Variants in MKLN1 observed in about 807,000 individuals in gnomAD.
MKLN1 encodes the protein muskelin 1.
A neutral mutation model predicts 99.0 loss-of-function variants in MKLN1; 18 were observed. That is an observed-to-expected ratio of 0.18 (90% CI 0.13 to 0.27). MKLN1 has a LOEUF of 0.27. Ranked by LOEUF, MKLN1 falls within the 10% of genes least tolerant of loss-of-function variation. The pLI is 1.00. For missense variants in MKLN1, 621 were observed against 875.9 expected (o/e 0.71, Z 3.67); for synonymous variants, 288 against 293.2 (o/e 0.98, Z 0.18).
chr7:131,143,772 G>A lies in MKLN1; in HGVS notation c.-297+831G>A, dbSNP rs144514571. 5.3e-4 allele frequency among the ~76,000 whole-genome samples: 81 copies of A among 152,230 alleles called. 1 individual carries two copies. In the East Asian group the frequency reaches 0.015, roughly 28 times the overall value. On this transcript the variant is annotated intron_variant, in intron 2 of 7. Transcript: ENST00000416992. The stretch of plus-strand genomic sequence containing the variant: ...GAGACCAGGAGTTCAAGGCTGCAGT[G>A]AGCCATGATCACAACACTGCACTCT...
chr7:131,242,895 A>G (rs1797427058), intron 3 of MKLN1: 2 of 669,548 alleles, frequency 3.0e-6, no homozygotes, highest in Non-Finnish European at 5.7e-6. Context: ...GGATGTCTTC[A>G]GAGACCCTAC....
intron 2 of MKLN1, among the ~76,000 whole-genome samples, chr7:131,167,156 G>A (rs981702794): frequency 6.6e-6 from 1 of 151,178 alleles, no homozygotes; most frequent in African/African-American, 2.4e-5. Flanking sequence ...AACTGAAGCT[G>A]TAAAAAAAAA....
At chr7:131,481,387 T>G (rs1017843017) in intron 17 of MKLN1, among the ~76,000 whole-genome samples, 5 of 152,166 alleles carry the variant, frequency 3.3e-5, no homozygotes, top group Admixed American at 3.3e-4. Context: ...CAGGGTACCA[T>G]TACTATTGAC....
chr7:131,293,235 T>G (rs1445113151), intron 3 of MKLN1, among the ~76,000 whole-genome samples: 2 of 152,228 alleles, frequency 1.3e-5, no homozygotes, highest in Non-Finnish European at 2.9e-5. Context: ...CATCCCAGAC[T>G]GACCAGCTCC....
chr7:131,244,495 G>A (rs1030979941), intron 3 of MKLN1, among the ~76,000 whole-genome samples: 1 of 152,054 alleles, frequency 6.6e-6, no homozygotes, highest in Non-Finnish European at 1.5e-5. Flanking sequence ...ACTCATTAGC[G>A]GAACTCAGAA....
chr7:131,355,473 T>A (rs1006327763), intron 1 of MKLN1, among the ~76,000 whole-genome samples: 2 of 151,858 alleles, frequency 1.3e-5, no homozygotes, highest in Admixed American at 6.6e-5. Flanking sequence ...ATATCAGGAC[T>A]GTTTAAAACA....
intron 16 of MKLN1, 98 bp downstream of exon 16, chr7:131,471,042 C>A: frequency 2.6e-6 from 2 of 761,016 alleles, no homozygotes; most frequent in South Asian, 1.8e-5. Context: ...TAAAGGAAAA[C>A]GAAGAAAATA....
intron 3 of MKLN1, among the ~76,000 whole-genome samples, chr7:131,229,393 T>C (rs1448026207): frequency 6.6e-6 from 1 of 151,942 alleles, no homozygotes; most frequent in East Asian, 1.9e-4. Context: ...AGTTAAGCTA[T>C]TATCTAAAGA....
chr7:131,120,152 C>T (rs1278971983), intron 1 of MKLN1, among the ~76,000 whole-genome samples: 1 of 92,086 alleles, frequency 1.1e-5, no homozygotes, highest in African/African-American at 4.6e-5. Context: ...GCCTGGGGGA[C>T]AGAGTGAGAC....
intron 11 of MKLN1, 63 bp from the exon 12 acceptor site, chr7:131,445,711 C>A (rs1165243159): frequency 5.8e-6 from 8 of 1,381,188 alleles, no homozygotes; most frequent in Non-Finnish European, 7.9e-6. Flanking sequence ...TTTAAAGGAT[C>A]ATTCTGAGTT....
intron 3 of MKLN1, among the ~76,000 whole-genome samples, chr7:131,303,248 G>A (rs1798401693): frequency 6.6e-6 from 1 of 152,222 alleles, no homozygotes. Flanking sequence ...TAGGAAAACG[G>A]ATGAATTCTG....
intron 1 of MKLN1, among the ~76,000 whole-genome samples, chr7:131,357,988 T>A (rs1584645334): frequency 2.0e-5 from 3 of 152,210 alleles, no homozygotes; most frequent in African/African-American, 7.2e-5. Context: ...GGATTTTCTG[T>A]ATAGGCAGTC....
intron 8 of MKLN1, among the ~76,000 whole-genome samples, chr7:131,425,429 T>C (rs1795330604): frequency 6.6e-6 from 1 of 152,202 alleles, no homozygotes; most frequent in Admixed American, 6.5e-5. Flanking sequence ...CTTTTTACCT[T>C]GTTTATCTTT....
chr7:131,429,705 A>C (rs1795466312), intron 9 of MKLN1, among the ~76,000 whole-genome samples: 1 of 152,150 alleles, frequency 6.6e-6, no homozygotes, highest in African/African-American at 2.4e-5. Context: ...CAGCCTCCCA[A>C]GTAGCTGGGA....
rs950783095 is a variant in MKLN1, at chr7:131,494,635, G to A, written c.*6907G>A. ...AAATTATTTTGGTGACTGATCAATT[G>A]TAAACAATTTTCTTCCTTACTTACA... On this transcript the variant is annotated 3_prime_UTR_variant, in exon 18 of 18. Coordinates refer to ENST00000352689, the MANE Select transcript of MKLN1 (RefSeq NM_013255.5). 2.0e-5 allele frequency: 3 copies of A among 151,800 alleles called. No individual in the cohort carries two copies. The highest frequency in any genetic ancestry group is 4.4e-5 in the Non-Finnish European group (3 of 67,952). 9.4% of individuals were successfully genotyped at this position (151,800 alleles called of 1,614,324 possible).
chr7:131,128,921 T>G (rs1417745317), intron 1 of MKLN1, among the ~76,000 whole-genome samples: 1 of 127,464 alleles, frequency 7.8e-6, no homozygotes, highest in Non-Finnish European at 1.7e-5. Context: ...TTTTTTTTGG[T>G]AGAGACAGGA....
At chr7:131,464,163 C>A (rs1204748936) in intron 13 of MKLN1, 131 bp from the exon 14 acceptor site, 3 of 502,496 alleles carry the variant, frequency 6.0e-6, no homozygotes, top group Non-Finnish European at 1.1e-5. Context: ...ATAACTAGAA[C>A]TTTAAGATAC....
At chr7:131,154,252 T>G (rs1040945198) in intron 2 of MKLN1, among the ~76,000 whole-genome samples, 1 of 152,068 alleles carries the variant, frequency 6.6e-6, no homozygotes, top group African/African-American at 2.4e-5. Flanking sequence ...AAACTAGACT[T>G]CTTAGAATTC....
intron 2 of MKLN1, among the ~76,000 whole-genome samples, chr7:131,175,907 A>AAAC (rs1554532325): frequency 6.6e-6 from 1 of 151,854 alleles, no homozygotes; most frequent in East Asian, 1.9e-4. Flanking sequence ...TCAAAAAAAA[A>AAAC]CCAAAAAACA....
Sources: gnomAD v4.1 joint callset for allele counts (sites outside exome capture counted in the v4.1 genomes callset) on GRCh38, gnomAD v4.1.1 for gene constraint, MANE v1.5 for transcripts, NCBI Gene and HGNC (gene_info 2026-07-23, HGNC 2026-07-21) for gene names.